Variants in ELFN1 observed in about 807,000 individuals in gnomAD.
ELFN1 encodes protein ELFN1.
Under a neutral mutation model 7.6 loss-of-function variants are expected in ELFN1, and 6 were observed. The ratio of observed to expected loss-of-function variants is 0.79; its 90% CI spans 0.43 to 1.56. The LOEUF (loss-of-function observed/expected upper bound fraction) is 1.56. ELFN1 is among the 40% of genes most tolerant of loss of function. The pLI, the probability that ELFN1 is intolerant of heterozygous loss-of-function variation, is 0.01. For synonymous variants in ELFN1, 657 were observed against 588.1 expected, an observed-to-expected ratio of 1.12 and a Z score of -1.70; for missense variants, 1,169 against 1,232.2, an observed-to-expected ratio of 0.95 and a Z score of 0.77.
intron 1 of ELFN1, among the ~76,000 whole-genome samples, chr7:1,685,593 A>G (rs1779048705): frequency 6.6e-6 from 1 of 151,952 alleles, no homozygotes; most frequent in South Asian, 2.1e-4. Context: ...GCCCTCATGT[A>G]ATGAATTTTT....
chr7:1,692,965 G>A (rs1224317386), intron 2 of ELFN1: 5 of 242,054 alleles, frequency 2.1e-5, no homozygotes, highest in African/African-American at 6.6e-5. Flanking sequence ...CTGGGCCTGC[G>A]CCACGCTCTG....
At chr7:1,693,916 G>A (rs972901031) in intron 2 of ELFN1, 6 of 398,932 alleles carry the variant, frequency 1.5e-5, no homozygotes, top group African/African-American at 4.1e-5. Context: ...CCTGCGTGCC[G>A]GCAAGGTGGG....
At chr7:1,728,022 C>T (rs1288475733) in intron 3 of ELFN1, among the ~76,000 whole-genome samples, 3 of 152,220 alleles carry the variant, frequency 2.0e-5, no homozygotes, top group Non-Finnish European at 2.9e-5. Flanking sequence ...CCAAGCACCA[C>T]CCCTTTGCAT....
At chr7:1,683,657 A>G (rs1779013434) in intron 1 of ELFN1, among the ~76,000 whole-genome samples, 1 of 152,078 alleles carries the variant, frequency 6.6e-6, no homozygotes, top group African/African-American at 2.4e-5. Flanking sequence ...ATCCCCAACT[A>G]TTTTTGTTGA....
Position 1,745,532 on chromosome 7 carries a change from G to A in ELFN1, c.936G>A (p.Gln312=), listed in dbSNP as rs1425968170. ...TGGCCCTGCCCACGCTGGCCACGCA[G>A]GCCGAGGCCCGCCCCCTCATCAAGG... is the stretch of plus-strand genomic sequence containing the variant. ...PLVALPTLAT[Q]AEARPLIKVK... The change falls in exon 4 of 4, where the codon CAG becomes CAA. Residue 312 remains glutamine (Q), a synonymous_variant. Transcript: ENST00000424383. 6.5e-7 allele frequency: 1 copy of A among 1,547,670 alleles called. No individual in the cohort carries two copies. Among genetic ancestry groups the A allele is most frequent in the Non-Finnish European group, 8.7e-7 (1 of 1,146,892 alleles).
At chr7:1,711,007 G>A (rs754508893) in intron 3 of ELFN1, among the ~76,000 whole-genome samples, 3 of 152,196 alleles carry the variant, frequency 2.0e-5, no homozygotes, top group African/African-American at 4.8e-5. Context: ...AGTTCCCTGC[G>A]GCACAGTGGG....
At chr7:1,703,835 A>G (rs1779476932) in intron 2 of ELFN1, among the ~76,000 whole-genome samples, 1 of 152,106 alleles carries the variant, frequency 6.6e-6, no homozygotes, top group Non-Finnish European at 1.5e-5. Context: ...GTCTCTGTGT[A>G]TGTTTGAGAC....
Position 1,718,677 on chromosome 7 carries a change from C to G in ELFN1, c.-294+9425C>G, listed in dbSNP as rs117129076. Among the ~76,000 whole-genome samples the G allele has an allele frequency of 4.9e-3, 753 of 152,276 alleles. 6 individuals are homozygous for G. The highest frequency in any genetic ancestry group is 0.014 in the Middle Eastern group (4 of 294). On this transcript the variant is annotated intron_variant, in intron 3 of 3. Transcript: ENST00000424383. ...TGTGCGGTCACCCCACCTGGAGACTCTCCCATCTGTGTTCTGGCTGGGGAA... is the reference window on the plus strand; with the variant it reads ...TGTGCGGTCACCCCACCTGGAGACTGTCCCATCTGTGTTCTGGCTGGGGAA...
At chr7:1,731,268 C>T (rs568961271) in intron 3 of ELFN1, among the ~76,000 whole-genome samples, 4 of 152,228 alleles carry the variant, frequency 2.6e-5, no homozygotes, top group East Asian at 1.9e-4. Flanking sequence ...AGGCTCGCAG[C>T]GAGTTTTACA....
In ELFN1 at chr7:1,705,466, G is replaced by A. The variant is rs1779512317; in HGVS notation, c.-455-3625G>A. Among the ~76,000 whole-genome samples the A allele has an allele frequency of 6.6e-6, 1 of 152,232 alleles. No individual in the cohort carries two copies. The highest frequency in any genetic ancestry group is 1.5e-5 in the Non-Finnish European group (1 of 68,046). ...GAGGAGGAGCTCCCCCCAACCGCCA[G>A]GGTGCCAGGGGAGTGAGTCCAGCGT... On this transcript the variant is annotated intron_variant, in intron 2 of 3. Transcript: ENST00000424383. This position sits in a 1 kb window ranked among gnomAD's most constrained non-coding sequence, Gnocchi z 4.3.
rs1780823606 is a variant in ELFN1, at chr7:1,747,021, G to T, written c.2425G>T (p.Asp809Tyr). The T allele has an allele frequency of 1.3e-6, 2 of 1,561,852 alleles. No homozygotes were observed. Among genetic ancestry groups the T allele is most frequent in the Admixed American group, 3.8e-5 (2 of 52,658 alleles). Reference protein sequence around the residue: ...ALRKKVQFAKDEDLHDILDYW... With the variant: ...ALRKKVQFAKYEDLHDILDYW... Reference sequence around the variant, plus strand: ...GCGCAAGAAGGTTCAGTTCGCCAAAGACGAGGATCTGCACGACATCCTGGA... The same window carrying T: ...GCGCAAGAAGGTTCAGTTCGCCAAATACGAGGATCTGCACGACATCCTGGA... Residue 809 changes from aspartate (D) to tyrosine (Y), a missense_variant, in exon 4 of 4, where the codon GAC (aspartate) becomes TAC (tyrosine). Transcript: ENST00000424383.
intron 3 of ELFN1, among the ~76,000 whole-genome samples, chr7:1,725,072 T>C (rs1188851643): frequency 6.6e-6 from 1 of 152,238 alleles, no homozygotes; most frequent in Non-Finnish European, 1.5e-5. Flanking sequence ...AGGGTGGTTC[T>C]GTCCCTGAGC....
At position 1,744,554 on chromosome 7, in the gene ELFN1, C is replaced by G. The variant is rs930196374; in HGVS notation, c.-43C>G. The G allele has an allele frequency of 1.7e-5, 24 of 1,453,096 alleles. No homozygotes were observed. The African/African-American group carries it at 3.3e-4, about 20-fold the overall frequency. The allele number at this position is 1,453,096 out of a possible 1,614,324, so 90.0% of individuals were successfully genotyped here. On this transcript the variant is annotated 5_prime_UTR_variant, in exon 4 of 4. Coordinates refer to ENST00000424383, the MANE Select transcript of ELFN1 (RefSeq NM_001128636.4). Reference sequence around the variant, plus strand: ...CTGGCGCCTGGCCCCCCACCTGGTCCCCCTGGGCAGGCTGAATTGGGGCTC... The same window carrying G: ...CTGGCGCCTGGCCCCCCACCTGGTCGCCCTGGGCAGGCTGAATTGGGGCTC...
At chr7:1,733,115 G>A (rs535933291) in intron 3 of ELFN1, among the ~76,000 whole-genome samples, 2 of 152,270 alleles carry the variant, frequency 1.3e-5, no homozygotes, top group South Asian at 2.1e-4. Flanking sequence ...TGGCCAGGCT[G>A]TTCTAGAATT....
chr7:1,720,543 C>G (rs556230899), intron 3 of ELFN1, among the ~76,000 whole-genome samples: 3 of 152,228 alleles, frequency 2.0e-5, no homozygotes, highest in African/African-American at 7.2e-5. Flanking sequence ...CTTCAATAAC[C>G]GGGCCCCATC....
upstream of ELFN1, among the ~76,000 whole-genome samples, chr7:1,668,352 G>C (rs1443255693): frequency 6.6e-6 from 1 of 151,316 alleles, no homozygotes; most frequent in Admixed American, 6.6e-5. Flanking sequence ...CAGGGCACAC[G>C]GGGGACACCT....
intron 3 of ELFN1, among the ~76,000 whole-genome samples, chr7:1,718,357 T>A (rs371049736): frequency 1.6e-4 from 25 of 152,302 alleles, no homozygotes; most frequent in African/African-American, 5.8e-4. Flanking sequence ...CTGGACACCC[T>A]GGGGCCGCAG....
chr7:1,682,605 TA>T lies in ELFN1; in HGVS notation c.-548-5450del, dbSNP rs1260787215. 1.1e-4 allele frequency among the ~76,000 whole-genome samples: 8 copies of T among 70,082 alleles called. No individual in the cohort carries two copies. The South Asian group carries it at 2.3e-3, about 20-fold the overall frequency. 46.0% of individuals were successfully genotyped at this position (70,082 alleles called of 152,430 possible). On this transcript the variant is annotated intron_variant, in intron 1 of 3. Transcript: ENST00000424383. ...ACAGGCGTGTGCCATCATGCCAGGA[TA>T]AATTTTTTTTTTTTTTTTTTGTAGA...
intron 2 of ELFN1, among the ~76,000 whole-genome samples, chr7:1,694,794 C>T (rs1779265192): frequency 6.6e-6 from 1 of 152,246 alleles, no homozygotes; most frequent in African/African-American, 2.4e-5. Context: ...GGGCTGCTGG[C>T]TGCACACCCT....
Sources: allele counts gnomAD v4.1 joint callset (sites outside exome capture counted in the v4.1 genomes callset), GRCh38; gene constraint gnomAD v4.1.1; non-coding constraint Gnocchi (gnomAD v3.1); transcripts MANE v1.5; gene names NCBI Gene and HGNC (gene_info 2026-07-23, HGNC 2026-07-21).